Variants in VEPH1 observed in about 807,000 individuals in gnomAD.
VEPH1 encodes ventricular zone expressed PH domain containing 1.
Under a neutral mutation model 85.2 loss-of-function variants are expected in VEPH1, and 80 were observed. The ratio of observed to expected loss-of-function variants is 0.94; its 90% CI spans 0.78 to 1.13. The LOEUF (loss-of-function observed/expected upper bound fraction) is 1.13. Among genes scored for constraint, VEPH1 ranks in the 50% most tolerant of loss-of-function variants. The pLI is 0.00. For synonymous variants in VEPH1, 297 were observed against 348.0 expected, an observed-to-expected ratio of 0.85 and a Z score of 1.63; for missense variants, 955 against 980.5, an observed-to-expected ratio of 0.97 and a Z score of 0.35.
At chr3:157,398,806 C>T (rs1467461466) in intron 6 of VEPH1, among the ~76,000 whole-genome samples, 2 of 151,964 alleles carry the variant, frequency 1.3e-5, no homozygotes, top group Non-Finnish European at 2.9e-5. Flanking sequence ...TCATATGGCC[C>T]CAGAGGTACA....
chr3:157,294,186 C>T (rs1377735489), intron 11 of VEPH1, among the ~76,000 whole-genome samples: 1 of 152,140 alleles, frequency 6.6e-6, no homozygotes, highest in Non-Finnish European at 1.5e-5. Context: ...AAACCATGCT[C>T]CTAACCATGT....
In VEPH1 at chr3:157,302,996, TAAC is replaced by T. The variant is rs537488234; in HGVS notation, c.2010+10622_2010+10624del. Reference sequence around the variant, plus strand: ...TATTTTTCAATGTTTTATAGTGAAATAACAAGTATGTAAAATAATGTATGTATA... The same window carrying T: ...TATTTTTCAATGTTTTATAGTGAAATAAGTATGTAAAATAATGTATGTATA... On this transcript the variant is annotated intron_variant, in intron 11 of 13. Coordinates refer to ENST00000362010, the MANE Select transcript of VEPH1 (RefSeq NM_001167912.2). Among the ~76,000 whole-genome samples, 695 of 152,346 alleles carry T rather than the reference TAAC, an allele frequency of 4.6e-3. 5 individuals are homozygous for T. Among genetic ancestry groups the T allele is most frequent in the African/African-American group, 0.016 (665 of 41,584 alleles).
At position 157,381,211 on chromosome 3, in the gene VEPH1, C is replaced by CTAAAAT. The variant is rs771137177; in HGVS notation, c.1071_1072insATTTTA (p.Thr357_Ala358insIleLeu). ...TGTCGGGTAAGGAGTTTAGCAATGG[C>CTAAAAT]GGTGAAGCTGTTGCTCATGCGGAAG... On this transcript the variant is annotated inframe_insertion, in exon 7 of 14. Transcript: ENST00000362010. 5.9e-5 allele frequency: 95 copies of CTAAAAT among 1,613,842 alleles called. No individual in the cohort carries two copies. Among genetic ancestry groups the CTAAAAT allele is most frequent in the Non-Finnish European group, 7.8e-5 (92 of 1,179,998 alleles).
intron 6 of VEPH1, among the ~76,000 whole-genome samples, chr3:157,406,815 T>C (rs1307005773): frequency 1.3e-5 from 2 of 152,128 alleles, no homozygotes. Context: ...TACTGCCTTG[T>C]AGGTCTGGCA....
chr3:157,289,013 G>C (rs141809409), intron 11 of VEPH1, among the ~76,000 whole-genome samples: 3 of 152,138 alleles, frequency 2.0e-5, no homozygotes, highest in South Asian at 4.1e-4. Flanking sequence ...TTTTTAAAAA[G>C]TATGTTTTCC....
chr3:157,297,951 C>G (rs1205437044), intron 11 of VEPH1, among the ~76,000 whole-genome samples: 1 of 152,012 alleles, frequency 6.6e-6, no homozygotes, highest in African/African-American at 2.4e-5. Context: ...GACACACACA[C>G]AGGATGATAA....
intron 5 of VEPH1, among the ~76,000 whole-genome samples, chr3:157,420,176 T>C (rs952043232): frequency 1.3e-5 from 2 of 151,562 alleles, no homozygotes; most frequent in Admixed American, 6.6e-5. Flanking sequence ...CTGGGACCTG[T>C]TGGGGGGCTG....
intron 5 of VEPH1, among the ~76,000 whole-genome samples, chr3:157,426,053 G>A (rs554760885): frequency 5.5e-4 from 84 of 152,252 alleles, no homozygotes; most frequent in East Asian, 3.5e-3. Flanking sequence ...ACCATGTAAG[G>A]AGTGCCTTTT....
At chr3:157,314,729 T>C (rs1244462934) in intron 10 of VEPH1, among the ~76,000 whole-genome samples, 1 of 152,026 alleles carries the variant, frequency 6.6e-6, no homozygotes, top group Non-Finnish European at 1.5e-5. Flanking sequence ...ACAAAAACAG[T>C]TTTAATTCTA....
intron 3 of VEPH1, among the ~76,000 whole-genome samples, chr3:157,467,931 A>C (rs1313723961): frequency 6.6e-6 from 1 of 152,202 alleles, no homozygotes; most frequent in Non-Finnish European, 1.5e-5. Flanking sequence ...TTTCTCAAAA[A>C]CATTTAATTC....
rs570737010 is a variant in VEPH1 at position 157,385,858 on chromosome 3, C to A, written c.907-4482G>T. Among the ~76,000 whole-genome samples the A allele has an allele frequency of 2.3e-3, 344 of 152,274 alleles. 2 individuals are homozygous for A. Among genetic ancestry groups the A allele is most frequent in the Non-Finnish European group, 4.4e-3 (297 of 68,016 alleles). ...GGTCTGTCTTGCACTTTGATTAAAT[C>A]TTTTACCTATGCATGACTTTGAAAT... On this transcript the variant is annotated intron_variant, in intron 6 of 13. Coordinates refer to ENST00000362010, the MANE Select transcript of VEPH1 (RefSeq NM_001167912.2).
chr3:157,318,673 A>AAG (rs1470338121), intron 9 of VEPH1, among the ~76,000 whole-genome samples: 1 of 142,950 alleles, frequency 7.0e-6, no homozygotes, highest in Non-Finnish European at 1.6e-5. Context: ...AAGGAAAGAA[A>AAG]GAAAGAAAGA....
At chr3:157,388,572 T>C (rs1729539911) in intron 6 of VEPH1, among the ~76,000 whole-genome samples, 1 of 152,154 alleles carries the variant, frequency 6.6e-6, no homozygotes. Context: ...CTCTGTTCAA[T>C]AGACTCATAT....
chr3:157,451,716 G>A (rs1167522144), intron 4 of VEPH1, among the ~76,000 whole-genome samples: 2 of 152,136 alleles, frequency 1.3e-5, no homozygotes, highest in African/African-American at 4.8e-5. Context: ...AAGTCTAAGA[G>A]GCAAACACCC....
At chr3:157,306,193 C>T (rs1187562805) in intron 11 of VEPH1, among the ~76,000 whole-genome samples, 1 of 152,114 alleles carries the variant, frequency 6.6e-6, no homozygotes, top group Non-Finnish European at 1.5e-5. Flanking sequence ...AATAAAATTA[C>T]AGATGAAATT....
rs1203710273 is a variant in VEPH1, at chr3:157,438,033, GCGCGCACACACACA to G, written c.530-9559_530-9546del. Reference sequence around the variant, plus strand: ...GCTTTCATGGGAAGCGCGCGCGCGCGCGCGCACACACACACACACACACACACACACACACACAC... The same window carrying G: ...GCTTTCATGGGAAGCGCGCGCGCGCGCACACACACACACACACACACACAC... On this transcript the variant is annotated intron_variant, in intron 4 of 13. Coordinates refer to ENST00000362010, the MANE Select transcript of VEPH1 (RefSeq NM_001167912.2). 34 of 794,056 alleles carry G rather than the reference GCGCGCACACACACA, an allele frequency of 4.3e-5. No homozygotes were observed. In the African/African-American group the frequency reaches 6.5e-4, roughly 15 times the overall value. 49.2% of individuals were successfully genotyped at this position (794,056 alleles called of 1,614,324 possible). A position where few individuals can be genotyped will look rare whatever the true frequency, so the allele number is the denominator to read the frequency against.
At chr3:157,463,072 G>A (rs1736027067) in intron 3 of VEPH1, among the ~76,000 whole-genome samples, 1 of 152,150 alleles carries the variant, frequency 6.6e-6, no homozygotes, top group South Asian at 2.1e-4. Flanking sequence ...CCAGATCCTG[G>A]TAATATCATT....
At chr3:157,470,738 A>C (rs914735016) in intron 2 of VEPH1, among the ~76,000 whole-genome samples, 3 of 152,200 alleles carry the variant, frequency 2.0e-5, no homozygotes, top group Non-Finnish European at 4.4e-5. Flanking sequence ...AAAATGGAGC[A>C]GGTTCTACTA....
intron 6 of VEPH1, among the ~76,000 whole-genome samples, chr3:157,396,849 T>C (rs549960593): frequency 1.2e-4 from 19 of 152,208 alleles, no homozygotes; most frequent in Non-Finnish European, 2.5e-4. Flanking sequence ...TATTAGACTT[T>C]TGTCAGACGG....
Sources: allele counts gnomAD v4.1 joint callset (sites outside exome capture counted in the v4.1 genomes callset), GRCh38; gene constraint gnomAD v4.1.1; transcripts MANE v1.5; gene names NCBI Gene and HGNC (gene_info 2026-07-23, HGNC 2026-07-21).